ANO7: variants seen among roughly 807,000 people sequenced by gnomAD.
The protein encoded by ANO7 is anoctamin-7.
Under a neutral mutation model 115.8 loss-of-function variants are expected in ANO7, and 114 were observed. The ratio of observed to expected loss-of-function variants is 0.98; its 90% CI spans 0.85 to 1.15. The LOEUF is 1.15. Among genes scored for constraint, ANO7 ranks in the 50% most tolerant of loss-of-function variants. The pLI, the probability that ANO7 is intolerant of heterozygous loss-of-function variation, is 0.00. For synonymous variants in ANO7, 550 were observed against 498.2 expected (o/e 1.10, Z -1.38); for missense variants, 1,302 against 1,201.2 (o/e 1.08, Z -1.24).
At chr2:241,230,012 A>C (rs769139339), downstream of ANO7, 3 of 1,570,098 alleles carry the variant, frequency 1.9e-6, no homozygotes, top group Non-Finnish European at 2.6e-6. This position sits in a 1 kb window ranked among gnomAD's most constrained non-coding sequence, Gnocchi z 5.0. Flanking sequence ...CACCCCCAGC[A>C]TCCCGCCCGC....
intron 21 of ANO7, among the ~76,000 whole-genome samples, chr2:241,219,963 T>C (rs1415525555): frequency 6.6e-6 from 1 of 152,230 alleles, no homozygotes; most frequent in Non-Finnish European, 1.5e-5. Context: ...GATCTTCACA[T>C]GCCTTACCAC....
chr2:241,238,578 T>A, the ANO7 span: 6 of 1,227,360 alleles, frequency 4.9e-6, no homozygotes, highest in African/African-American at 3.1e-5. This position sits in a 1 kb window ranked among gnomAD's most constrained non-coding sequence, Gnocchi z 4.9. Context: ...CACCAGTATG[T>A]GCGACAGCCC....
intron 11 of ANO7, among the ~76,000 whole-genome samples, chr2:241,209,013 G>A (rs558194884): frequency 6.6e-4 from 101 of 152,320 alleles, no homozygotes; most frequent in African/African-American, 2.4e-3. Flanking sequence ...GCCGGGCGTG[G>A]TGGCGGGCGC....
rs771460843 is a variant in ANO7 at position 241,223,956 on chromosome 2, G to A, written c.2583+1G>A. On this transcript the variant is annotated splice_donor_variant, in intron 24 of 24. Coordinates refer to ENST00000674324, the MANE Select transcript of ANO7 (RefSeq NM_001370694.2). LOFTEE classifies it high-confidence loss of function. ...GGATGAGCAGCCCGAGGGCTCAGAG[G>A]CAAGTCTGGGAGCAGCCAGGCCCCT... 1 of 1,614,006 alleles carries A rather than the reference G, an allele frequency of 6.2e-7. No homozygotes were observed. The highest frequency in any genetic ancestry group is 2.2e-5 in the East Asian group (1 of 44,872).
rs1414055370 is a variant in ANO7, at chr2:241,221,318, C to T, written c.2322-1868C>T. Among the ~76,000 whole-genome samples the T allele has an allele frequency of 8.6e-5, 13 of 151,870 alleles. No individual in the cohort carries two copies. In the East Asian group the frequency reaches 1.6e-3, roughly 18 times the overall value. On this transcript the variant is annotated intron_variant, in intron 21 of 24. Coordinates refer to ENST00000674324, the MANE Select transcript of ANO7 (RefSeq NM_001370694.2). ...CTTGAACTCCTGACCTCAGGTGATC[C>T]GCCTGCCTCGGCCTCCCAAAGTGCT... is the stretch of plus-strand genomic sequence containing the variant.
Position 241,218,299 on chromosome 2 carries a change from GC to G in ANO7, c.2242del (p.His748ThrfsTer82). Reference protein sequence around the residue: ...LPRAYYRWTRAHDLRGFLNFT... With the variant: ...LPRAYYRWTRXHDLRGFLNFT... ...GCGCGCCTACTACCGGTGGACCCGC[GC>G]CCACGACCTGCGCGGCTTCCTCAAC... On this transcript the variant is annotated frameshift_variant, in exon 21 of 25. Transcript: ENST00000674324. LOFTEE classifies it high-confidence loss of function. 1 of 1,535,190 alleles carries G rather than the reference GC, an allele frequency of 6.5e-7. No homozygotes were observed.
chr2:241,235,725 T>C, the ANO7 span: 2 of 634,544 alleles, frequency 3.2e-6, no homozygotes, highest in Non-Finnish European at 5.7e-6. Context: ...CACCCGACAA[T>C]GCCACCAGGA....
In ANO7 at chr2:241,218,276, G is replaced by T. The variant is rs768220413; in HGVS notation, c.2216G>T (p.Arg739Leu). 2.6e-6 allele frequency: 4 copies of T among 1,534,090 alleles called. No homozygotes were observed. The highest frequency in any genetic ancestry group is 3.5e-6 in the Non-Finnish European group (4 of 1,147,970). ...LLAFSSDFLP[R>L]AYYRWTRAHD... ...GCCTTCTCGTCCGACTTCCTGCCGC[G>T]CGCCTACTACCGGTGGACCCGCGCC... is the stretch of plus-strand genomic sequence containing the variant. Residue 739 changes from arginine (R) to leucine (L), a missense_variant, in exon 21 of 25, where the codon CGC (arginine) becomes CTC (leucine). Transcript: ENST00000674324.
intron 6 of ANO7, 101 bp downstream of exon 6, chr2:241,200,326 T>C (rs1313820458): frequency 1.2e-5 from 17 of 1,463,534 alleles, no homozygotes; most frequent in Non-Finnish European, 1.5e-5. Context: ...TCTCCTCACC[T>C]GGAGTTTTCG....
Position 241,209,439 on chromosome 2 carries a change from C to G in ANO7, c.1221+11C>G. ...TACGAGGACACTGAGGTGAGCCACC[C>G]CCGCTGGACCACGGTCACACCCGGC... On this transcript the variant is annotated intron_variant, in intron 12 of 24. Coordinates refer to ENST00000674324, the MANE Select transcript of ANO7 (RefSeq NM_001370694.2). 1 of 1,597,216 alleles carries G rather than the reference C, an allele frequency of 6.3e-7. No homozygotes were observed. The highest frequency in any genetic ancestry group is 8.5e-7 in the Non-Finnish European group (1 of 1,173,498).
At chr2:241,216,985 C>T (rs942364443) in intron 19 of ANO7, among the ~76,000 whole-genome samples, 10 of 152,180 alleles carry the variant, frequency 6.6e-5, no homozygotes, top group Non-Finnish European at 1.2e-4. Flanking sequence ...AGGCGCCCAC[C>T]ACCACGCCCG....
At chr2:241,191,143 C>G (rs779991770) in intron 2 of ANO7, 51 bp from the exon 3 acceptor site, 6 of 1,606,594 alleles carry the variant, frequency 3.7e-6, no homozygotes, top group Non-Finnish European at 5.1e-6. Context: ...GTGTAGTTGT[C>G]GAGGGCAGAT....
chr2:241,216,120 C>G lies in ANO7; in HGVS notation c.1854C>G (p.Phe618Leu), dbSNP rs762082989. The change falls in exon 19 of 25, where the codon TTC (phenylalanine) becomes TTG (leucine). Residue 618 changes from phenylalanine (F) to leucine (L), a missense_variant. Transcript: ENST00000674324. ...AGCTAAAGGGCTGGTGGCAGAAGTT[C>G]CGGCTTCGCTCCAAGAAGAGGAAGG... ...IPKLKGWWQK[F>L]RLRSKKRKAG... 7.4e-6 allele frequency: 12 copies of G among 1,611,220 alleles called. No individual in the cohort carries two copies. Among genetic ancestry groups the G allele is most frequent in the Non-Finnish European group, 8.5e-6 (10 of 1,179,306 alleles).
At chr2:241,199,821 G>T (rs1202185056) in intron 5 of ANO7, among the ~76,000 whole-genome samples, 1 of 152,196 alleles carries the variant, frequency 6.6e-6, no homozygotes, top group Non-Finnish European at 1.5e-5. Context: ...ACTGCGTGCG[G>T]GTGGGAGACA....
chr2:241,210,536 C>T lies in ANO7; in HGVS notation c.1527C>T (p.Ile509=), dbSNP rs189738174. The T allele has an allele frequency of 1.9e-6, 3 of 1,613,868 alleles. No individual in the cohort carries two copies. The African/African-American group carries it at 4.0e-5, about 22-fold the overall frequency. The change falls in exon 15 of 25, where the codon ATC becomes ATT. Residue 509 remains isoleucine, a synonymous_variant. Coordinates refer to ENST00000674324, the MANE Select transcript of ANO7 (RefSeq NM_001370694.2). ...NLVFILILSK[I]YVSLAHVLTR... The stretch of plus-strand genomic sequence containing the variant: ...TCTTCATCCTCATCCTCTCCAAGAT[C>T]TATGTATCCCTGGCCCACGTCCTGA...
chr2:241,210,368 C>G lies in ANO7; in HGVS notation c.1433C>G (p.Ser478Trp), dbSNP rs761766978. 3.1e-6 allele frequency: 5 copies of G among 1,613,930 alleles called. No individual in the cohort carries two copies. Among genetic ancestry groups the G allele is most frequent in the African/African-American group, 2.7e-5 (2 of 74,950 alleles). The change falls in exon 14 of 25, where the codon TCG (serine) becomes TGG (tryptophan). Residue 478 changes from serine (S) to tryptophan (W), a missense_variant. By Grantham distance (177) the Ser-to-Trp change is radical. Transcript: ENST00000674324. ...RAIMAIVVSR[S>W]GNTLLAAWAS... ...ATCATGGCCATCGTGGTGTCCAGGT[C>G]GGGCAACACCCTTCTCGCAGCCTGG...
chr2:241,212,814 C>G (rs574225609), intron 17 of ANO7, 188 bp downstream of exon 17: 47 of 603,490 alleles, frequency 7.8e-5, no homozygotes, highest in African/African-American at 6.9e-4. Context: ...TTCTGACCCC[C>G]GATATGCCCC....
intron 15 of ANO7, 65 bp downstream of exon 15, chr2:241,210,635 G>A (rs1200760001): frequency 2.1e-5 from 29 of 1,379,342 alleles, no homozygotes; most frequent in South Asian, 1.7e-4. Context: ...CAGCCAGAAC[G>A]TGACTTTCTC....
chr2:241,217,786 C>T lies in ANO7; in HGVS notation c.2073C>T (p.Arg691=), dbSNP rs543760948. 5.2e-4 allele frequency: 831 copies of T among 1,610,358 alleles called. 2 individuals carry two copies. The highest frequency in any genetic ancestry group is 1.8e-3 in the Middle Eastern group (11 of 6,050). Residue 691 remains arginine (R), a synonymous_variant, in exon 20 of 25, where the codon CGC becomes CGT. Coordinates refer to ENST00000674324, the MANE Select transcript of ANO7 (RefSeq NM_001370694.2). Reference sequence around the variant, plus strand: ...GGGTGGAGATCCGCTTGGACGCGCGCAAGTTCGTCTGCGAGTACCGGCGCC... The same window carrying T: ...GGGTGGAGATCCGCTTGGACGCGCGTAAGTTCGTCTGCGAGTACCGGCGCC... ...NNWVEIRLDA[R]KFVCEYRRPV... is the part of the protein sequence containing the mutation.
Sources: gnomAD v4.1 joint callset for allele counts (sites outside exome capture counted in the v4.1 genomes callset) on GRCh38, gnomAD v4.1.1 for gene constraint, Gnocchi (gnomAD v3.1) non-coding constraint, MANE v1.5 for transcripts, NCBI Gene and HGNC (gene_info 2026-07-23, HGNC 2026-07-21) for gene names.